Variants in ZNF730 observed in about 807,000 individuals in gnomAD.
ZNF730 encodes zinc finger protein 730.
In ZNF730, 12 loss-of-function variants were observed where a neutral mutation model predicts 12.6. That is an observed-to-expected ratio of 0.95 (90% CI 0.61 to 1.54). The LOEUF (loss-of-function observed/expected upper bound fraction) is 1.54, where lower values mean the gene tolerates loss of function less well. Ranked by LOEUF, ZNF730 falls within the 40% of genes most tolerant of loss-of-function variation. The pLI is 0.00. For missense variants in ZNF730, 643 were observed against 583.5 expected (o/e 1.10, Z -1.05); for synonymous variants, 194 against 195.8 (o/e 0.99, Z 0.08).
Position 23,146,560 on chromosome 19 carries a change from T to A in ZNF730, c.*4T>A. On this transcript the variant is annotated 3_prime_UTR_variant, in exon 4 of 4. Coordinates refer to ENST00000597761, the MANE Select transcript of ZNF730 (RefSeq NM_001277403.2). ...GCATAAGACAATTCATACATAAAAT[T>A]GTAAAGACTGTGGCAAAGCTTTTAA... 1.2e-5 allele frequency: 19 copies of A among 1,585,160 alleles called. No homozygotes were observed. Among genetic ancestry groups the A allele is most frequent in the Non-Finnish European group, 1.6e-5 (19 of 1,168,370 alleles).
chr19:23,143,470 T>A (rs1206226367), intron 3 of ZNF730: 1 of 152,208 alleles, frequency 6.6e-6, no homozygotes, highest in African/African-American at 2.4e-5. Flanking sequence ...ATGATAATGC[T>A]ACAAAAATCC....
intron 1 of ZNF730, among the ~76,000 whole-genome samples, chr19:23,082,975 A>C (rs979283388): frequency 6.6e-6 from 1 of 152,176 alleles, no homozygotes; most frequent in South Asian, 2.1e-4. Flanking sequence ...CTGGGATTAC[A>C]GGTGTGAGCC....
At chr19:23,145,116 G>T (rs1310542501) in intron 3 of ZNF730, among the ~76,000 whole-genome samples, 155 bp from the exon 4 acceptor site, 1 of 152,012 alleles carries the variant, frequency 6.6e-6, no homozygotes, top group Non-Finnish European at 1.5e-5. Flanking sequence ...ATGTACTTTG[G>T]ATTTTTGTTA....
At chr19:23,116,903 C>A, upstream of ZNF730, 10 of 642,184 alleles carry the variant, frequency 1.6e-5, no homozygotes, top group South Asian at 2.0e-5. Context: ...CTGATCACAT[C>A]TGTCACTCAG....
At chr19:23,096,527 G>A (rs996644781) in intron 1 of ZNF730, among the ~76,000 whole-genome samples, 3 of 152,198 alleles carry the variant, frequency 2.0e-5, no homozygotes, top group Admixed American at 1.3e-4. Flanking sequence ...CCTAGGTGAT[G>A]TGACTCTTCT....
chr19:23,129,495 C>T (rs1175278759), intron 1 of ZNF730, among the ~76,000 whole-genome samples: 2 of 151,944 alleles, frequency 1.3e-5, no homozygotes, highest in African/African-American at 4.8e-5. Flanking sequence ...TGATTTTGGA[C>T]TCGCATGGGG....
At chr19:23,076,222 T>C (rs754095717) in intron 1 of ZNF730, among the ~76,000 whole-genome samples, 14 of 152,228 alleles carry the variant, frequency 9.2e-5, no homozygotes, top group Non-Finnish European at 1.6e-4. Flanking sequence ...GACACGGTAT[T>C]TTAATTGTTA....
At chr19:23,119,691 C>T (rs1419216969) in intron 1 of ZNF730, among the ~76,000 whole-genome samples, 1 of 152,074 alleles carries the variant, frequency 6.6e-6, no homozygotes, top group Non-Finnish European at 1.5e-5. Flanking sequence ...GTGGTGCACA[C>T]CTGTAATCCC....
At chr19:23,132,317 C>CT (rs1424989565) in intron 1 of ZNF730, among the ~76,000 whole-genome samples, 3 of 152,022 alleles carry the variant, frequency 2.0e-5, no homozygotes, top group Non-Finnish European at 2.9e-5. Flanking sequence ...GAAAAAATGG[C>CT]TTTTTTTCAG....
chr19:23,119,408 T>G (rs553235160), intron 1 of ZNF730, among the ~76,000 whole-genome samples: 21 of 152,230 alleles, frequency 1.4e-4, no homozygotes, highest in Non-Finnish European at 2.6e-4. Flanking sequence ...GATTAGCTTT[T>G]TAATGTGCTG....
chr19:23,100,440 AG>A (rs1970320513), intron 1 of ZNF730: 5 of 152,142 alleles, frequency 3.3e-5, no homozygotes, highest in Admixed American at 3.3e-4. Flanking sequence ...TGTGTTACAG[AG>A]AATGTCATAA....
intron 1 of ZNF730, among the ~76,000 whole-genome samples, chr19:23,080,786 T>C (rs549844087): frequency 9.1e-4 from 139 of 152,212 alleles, no homozygotes; most frequent in Non-Finnish European, 1.7e-3. Flanking sequence ...TTTACAGTTA[T>C]AGATTTTATG....
chr19:23,144,755 AC>A (rs1251926131), intron 3 of ZNF730, among the ~76,000 whole-genome samples: 3 of 150,560 alleles, frequency 2.0e-5, no homozygotes, highest in Non-Finnish European at 4.4e-5. Context: ...TGTCTGTGAT[AC>A]CACAGTCTCT....
intron 1 of ZNF730, among the ~76,000 whole-genome samples, chr19:23,110,522 C>G (rs1970449682): frequency 6.6e-6 from 1 of 150,386 alleles, no homozygotes; most frequent in African/African-American, 2.5e-5. Flanking sequence ...CTTGGGTGAT[C>G]CACCCGCCTT....
intron 1 of ZNF730, among the ~76,000 whole-genome samples, chr19:23,103,615 C>T (rs1970359689): frequency 6.6e-6 from 1 of 152,046 alleles, no homozygotes; most frequent in Admixed American, 6.6e-5. Flanking sequence ...CAGAGGGTCC[C>T]TGGAGTATCT....
chr19:23,145,463 C>G lies in ZNF730; in HGVS notation c.419C>G (p.Ser140Cys). ...AGACATAACCAGTGTTTGACAACTT[C>G]CCATAGCAAAATATTTCAGTGTGAC... is the stretch of plus-strand genomic sequence containing the variant. ...YNRHNQCLTTSHSKIFQCDKY... is the reference protein window; with the variant it reads ...YNRHNQCLTTCHSKIFQCDKY... The change falls in exon 4 of 4, where the codon TCC becomes TGC. Residue 140 changes from serine (S) to cysteine (C), a missense_variant. Ser to Cys is a moderately radical substitution (Grantham distance 112, BLOSUM62 -1). Coordinates refer to ENST00000597761, the MANE Select transcript of ZNF730 (RefSeq NM_001277403.2). 1 of 1,570,500 alleles carries G rather than the reference C, an allele frequency of 6.4e-7. No individual in the cohort carries two copies. The highest frequency in any genetic ancestry group is 8.6e-7 in the Non-Finnish European group (1 of 1,159,300).
chr19:23,079,187 T>A (rs1480621111), intron 1 of ZNF730, among the ~76,000 whole-genome samples: 1 of 152,186 alleles, frequency 6.6e-6, no homozygotes, highest in Non-Finnish European at 1.5e-5. Context: ...GGCAGAGTTT[T>A]GCTCTTGTTG....
intron 1 of ZNF730, among the ~76,000 whole-genome samples, chr19:23,107,471 A>C (rs1237685730): frequency 1.9e-4 from 28 of 149,972 alleles, no homozygotes; most frequent in African/African-American, 5.2e-4. Flanking sequence ...AAAAAAAAAA[A>C]AAAACCACCA....
At chr19:23,076,097 G>A (rs1969854436) in intron 1 of ZNF730, among the ~76,000 whole-genome samples, 1 of 152,228 alleles carries the variant, frequency 6.6e-6, no homozygotes, top group South Asian at 2.1e-4. Flanking sequence ...CAGGCTTGCA[G>A]TAAAATTATA....
Sources: allele counts gnomAD v4.1 joint callset (sites outside exome capture counted in the v4.1 genomes callset), GRCh38; gene constraint gnomAD v4.1.1; transcripts MANE v1.5; gene names NCBI Gene and HGNC (gene_info 2026-07-23, HGNC 2026-07-21).